The following ADGRE5 variants were observed in gnomAD, a reference collection of about 807,000 sequenced individuals.
The protein encoded by ADGRE5 is CD97 molecule.
In ADGRE5, 72 loss-of-function variants were observed where a neutral mutation model predicts 100.3. That is an observed-to-expected ratio of 0.72 (90% confidence interval 0.59 to 0.87). ADGRE5 has a LOEUF of 0.87. Ranked by LOEUF, ADGRE5 falls within the 40% of genes least tolerant of loss-of-function variation. The probability of loss-of-function intolerance (pLI) is 0.00; values close to 1 mark genes in which losing one functional copy is unlikely to be tolerated. For missense variants in ADGRE5, 959 were observed against 1,094.7 expected (o/e 0.88, Z 1.75); for synonymous variants, 439 against 447.8 (o/e 0.98, Z 0.25).
At chr19:14,390,393 G>A (rs565987385) in intron 3 of ADGRE5, among the ~76,000 whole-genome samples, 11 of 149,734 alleles carry the variant, frequency 7.3e-5, no homozygotes, top group Non-Finnish European at 1.6e-4. Context: ...ACCCGATCTC[G>A]GCTCACTGCA....
chr19:14,398,171 A>G, intron 9 of ADGRE5, 32 bp downstream of exon 9: 1 of 1,608,280 alleles, frequency 6.2e-7, no homozygotes, highest in African/African-American at 1.3e-5. Flanking sequence ...ACCCCAGGAC[A>G]GTGTAGAATC....
intron 18 of ADGRE5, 127 bp from the exon 19 acceptor site, chr19:14,407,781 G>T: frequency 1.3e-6 from 1 of 740,800 alleles, no homozygotes; most frequent in South Asian, 1.7e-5. Flanking sequence ...GGTGACAGGG[G>T]GACCCGATCT....
chr19:14,406,999 GGGTGAGGGGCATGAAGCTGGA>G lies in ADGRE5; in HGVS notation c.2207+47_2208-34del. 6.2e-7 allele frequency: 1 copy of G among 1,613,762 alleles called. No homozygotes were observed. The highest frequency in any genetic ancestry group is 8.5e-7 in the Non-Finnish European group (1 of 1,179,674). On this transcript the variant is annotated intron_variant, in intron 17 of 19. Transcript: ENST00000242786. The surrounding 1 kb of genome is among the most constrained non-coding windows in gnomAD (Gnocchi z 6.0). The stretch of plus-strand genomic sequence containing the variant: ...CTGGAAGGACTTGGAGGCGGGGCCG[GGGTGAGGGGCATGAAGCTGGA>G]GGTGAGGTGGGGGCCCACGCTGCAA...
chr19:14,399,082 A>G (rs918866361), intron 9 of ADGRE5, among the ~76,000 whole-genome samples: 4 of 151,202 alleles, frequency 2.6e-5, no homozygotes, highest in African/African-American at 7.3e-5. Context: ...CCTGGGCTTA[A>G]GTGATCCTCC....
intron 4 of ADGRE5, among the ~76,000 whole-genome samples, chr19:14,392,030 G>A (rs1185637151): frequency 6.7e-6 from 1 of 150,186 alleles, no homozygotes; most frequent in East Asian, 2.0e-4. Context: ...CTTGAACTCA[G>A]GAGGCAGAGG....
intron 5 of ADGRE5, among the ~76,000 whole-genome samples, chr19:14,396,826 G>C (rs1254236600): frequency 6.6e-6 from 1 of 152,208 alleles, no homozygotes; most frequent in Non-Finnish European, 1.5e-5. Context: ...TGGAAATCTA[G>C]CTCCCATGAC....
rs35624101 is a variant in ADGRE5, at chr19:14,382,709, A to AT, written c.22+1181dup. On this transcript the variant is annotated intron_variant, in intron 1 of 19. Coordinates refer to ENST00000242786, the MANE Select transcript of ADGRE5 (RefSeq NM_078481.4). ...GAGACGTTGTCTCTACCAAAAACAA[A>AT]TTTTTTTTTTTTTTTTTGAGACAAA... 3.6e-3 allele frequency among the ~76,000 whole-genome samples: 509 copies of AT among 141,116 alleles called. 1 individual carries two copies. Among genetic ancestry groups the AT allele is most frequent in the East Asian group, 0.02 (98 of 4,856 alleles). The allele number at this position is 141,116 out of a possible 152,430, so 92.6% of individuals were successfully genotyped here. A position where few individuals can be genotyped will look rare whatever the true frequency, so the allele number is the denominator to read the frequency against.
rs187717930 is a variant in ADGRE5, at chr19:14,394,190, G to A, written c.347-2152G>A. ...GAGACATGGACAGCAGGGCTGAGGTGATAAGAGGGACCTCCACGGACATCA... is the reference window on the plus strand; with the variant it reads ...GAGACATGGACAGCAGGGCTGAGGTAATAAGAGGGACCTCCACGGACATCA... On this transcript the variant is annotated intron_variant, in intron 4 of 19. Coordinates refer to ENST00000242786, the MANE Select transcript of ADGRE5 (RefSeq NM_078481.4). Among the ~76,000 whole-genome samples, 6 of 152,278 alleles carry A rather than the reference G, an allele frequency of 3.9e-5. No homozygotes were observed. In the East Asian group the frequency reaches 1.2e-3, roughly 29 times the overall value.
At chr19:14,398,551 T>C (rs1253458177) in intron 9 of ADGRE5, among the ~76,000 whole-genome samples, 23 of 151,622 alleles carry the variant, frequency 1.5e-4, no homozygotes, top group Admixed American at 1.5e-3. Flanking sequence ...GGCGGGTGCC[T>C]GTAGTCCCAG....
chr19:14,390,468 C>T (rs1407670385), intron 3 of ADGRE5, among the ~76,000 whole-genome samples: 1 of 151,988 alleles, frequency 6.6e-6, no homozygotes, highest in Non-Finnish European at 1.5e-5. Context: ...TGATTACAGG[C>T]ATGCACCACC....
Position 14,388,689 on chromosome 19 carries a change from C to G in ADGRE5, c.74-13C>G. 6.2e-7 allele frequency: 1 copy of G among 1,612,972 alleles called. No individual in the cohort carries two copies. The highest frequency in any genetic ancestry group is 8.5e-7 in the Non-Finnish European group (1 of 1,179,278). On this transcript the variant is annotated splice_polypyrimidine_tract_variant and intron_variant, in intron 2 of 19. Coordinates refer to ENST00000242786, the MANE Select transcript of ADGRE5 (RefSeq NM_078481.4). ...TACCCCTCACCTTCTGACCGTGCTC[C>G]CTGCTCTTGCAGGCTGTGCCCGGTG...
At chr19:14,384,909 C>T (rs963482004) in intron 1 of ADGRE5, among the ~76,000 whole-genome samples, 3 of 150,474 alleles carry the variant, frequency 2.0e-5, no homozygotes, top group African/African-American at 7.3e-5. Context: ...AGCTTGTCTC[C>T]TTTCTCCTCT....
intron 1 of ADGRE5, among the ~76,000 whole-genome samples, chr19:14,384,502 A>AC (rs1011877223): frequency 6.6e-6 from 1 of 151,080 alleles, no homozygotes; most frequent in South Asian, 2.1e-4. Flanking sequence ...TCTGCCCGAC[A>AC]CCCCCCTTCA....
rs1190216448 is a variant in ADGRE5 at position 14,408,651 on chromosome 19, C to T, written c.*530C>T. ...TTCTCACTGTTGTGAAGGTTGTAGA[C>T]GTTGTGTAATGTGTTTTTATCTGTT... On this transcript the variant is annotated 3_prime_UTR_variant, in exon 20 of 20. Coordinates refer to ENST00000242786, the MANE Select transcript of ADGRE5 (RefSeq NM_078481.4). 2.0e-5 allele frequency: 10 copies of T among 500,300 alleles called. No homozygotes were observed. The highest frequency in any genetic ancestry group is 3.9e-5 in the African/African-American group (2 of 51,948). 31.0% of individuals were successfully genotyped at this position (500,300 alleles called of 1,614,324 possible).
intron 1 of ADGRE5, 96 bp downstream of exon 1, chr19:14,381,641 G>A: frequency 7.0e-7 from 1 of 1,421,648 alleles, no homozygotes; most frequent in East Asian, 2.5e-5. Context: ...GGTGTCTGTG[G>A]GGCCTGCGAT....
chr19:14,407,257 C>A (rs1259878471), intron 18 of ADGRE5, 28 bp downstream of exon 18: 3 of 1,612,642 alleles, frequency 1.9e-6, no homozygotes, highest in Non-Finnish European at 8.5e-7. Flanking sequence ...GTGGCGCACG[C>A]CTGTCATCCT....
intron 4 of ADGRE5, 119 bp from the exon 5 acceptor site, chr19:14,396,223 A>T (rs1363063586): frequency 6.3e-7 from 1 of 1,584,454 alleles, no homozygotes; most frequent in African/African-American, 1.4e-5. Flanking sequence ...TGTGGATTGG[A>T]AAAGGGAGGA....
rs1187943340 is a variant in ADGRE5 at position 14,405,952 on chromosome 19, C to T, written c.1821+13C>T. On this transcript the variant is annotated intron_variant, in intron 14 of 19. Coordinates refer to ENST00000242786, the MANE Select transcript of ADGRE5 (RefSeq NM_078481.4). ...CGAAGGCGGCCAGGTGAGGTCCCGC[C>T]CCGCTCCCTCCTGAGCTCTGGGGTC... 1 of 1,599,490 alleles carries T rather than the reference C, an allele frequency of 6.3e-7. No individual in the cohort carries two copies. Among genetic ancestry groups the T allele is most frequent in the South Asian group, 1.1e-5 (1 of 90,660 alleles).
intron 9 of ADGRE5, among the ~76,000 whole-genome samples, chr19:14,399,148 G>C (rs1975904592): frequency 6.6e-6 from 1 of 151,816 alleles, no homozygotes; most frequent in South Asian, 2.1e-4. Context: ...TGTCTGGCCA[G>C]TTTCCTCATG....
Sources: gnomAD v4.1 joint callset for allele counts (sites outside exome capture counted in the v4.1 genomes callset) on GRCh38, gnomAD v4.1.1 for gene constraint, Gnocchi (gnomAD v3.1) non-coding constraint, MANE v1.5 for transcripts, NCBI Gene and HGNC (gene_info 2026-07-23, HGNC 2026-07-21) for gene names.